The following GAPVD1 variants were observed in gnomAD, a reference collection of about 807,000 sequenced individuals.
GAPVD1 encodes the protein GTPase-activating protein and VPS9 domain-containing protein 1.
A neutral mutation model predicts 155.5 loss-of-function variants in GAPVD1; 35 were observed. That is an observed-to-expected ratio of 0.23 (90% confidence interval 0.17 to 0.30). The LOEUF (loss-of-function observed/expected upper bound fraction) is 0.30. Among genes scored for constraint, GAPVD1 ranks in the 10% least tolerant of loss-of-function variants. GAPVD1 has a pLI of 1.00. For missense variants in GAPVD1, 1,429 were observed against 1,775.7 expected (o/e 0.80, Z 3.51); for synonymous variants, 636 against 619.7 (o/e 1.03, Z -0.39).
Position 125,302,832 on chromosome 9 carries a change from C to T in GAPVD1, c.1029+6C>T, listed in dbSNP as rs370781614. 46 of 1,574,668 alleles carry T rather than the reference C, an allele frequency of 2.9e-5. No homozygotes were observed. The African/African-American group carries it at 6.3e-4, about 21-fold the overall frequency. ...CACGATTTAATCTGATGCAGGTATG[C>T]TTTTGCTATTATTATTAACGTGGCA... On this transcript the variant is annotated splice_donor_region_variant and intron_variant, in intron 5 of 27. Transcript: ENST00000297933.
intron 11 of GAPVD1, 27 bp from the exon 12 acceptor site, chr9:125,326,389 A>T: frequency 6.5e-7 from 1 of 1,532,166 alleles, no homozygotes; most frequent in Middle Eastern, 1.7e-4. Flanking sequence ...CTACTATTTT[A>T]AAAGTGCTTA....
chr9:125,360,583 G>T lies in GAPVD1; in HGVS notation c.4100G>T (p.Ser1367Ile). The change falls in exon 27 of 28, where the codon AGT (serine) becomes ATT (isoleucine). Residue 1367 changes from serine to isoleucine, a missense_variant. Ser to Ile is a moderately radical substitution (Grantham distance 142, BLOSUM62 -2). Transcript: ENST00000297933. ...PSAQSEIRTI[S>I]AYKTPRDKVQ... ...GCACAATCAGAAATCAGGACAATAAGTGCTTATAAAACCCCCCGGGACAAA... is the reference window on the plus strand; with the variant it reads ...GCACAATCAGAAATCAGGACAATAATTGCTTATAAAACCCCCCGGGACAAA... The T allele has an allele frequency of 6.2e-7, 1 of 1,614,064 alleles. No individual in the cohort carries two copies. The highest frequency in any genetic ancestry group is 8.5e-7 in the Non-Finnish European group (1 of 1,179,948).
At chr9:125,319,387 T>A (rs1042359036) in intron 9 of GAPVD1, among the ~76,000 whole-genome samples, 14 of 150,506 alleles carry the variant, frequency 9.3e-5, no homozygotes, top group Non-Finnish European at 1.5e-4. Context: ...AAATTTTTTT[T>A]AATAAAAATT....
At chr9:125,330,630 A>T (rs989229496) in intron 13 of GAPVD1, among the ~76,000 whole-genome samples, 3 of 152,208 alleles carry the variant, frequency 2.0e-5, no homozygotes, top group Non-Finnish European at 4.4e-5. Flanking sequence ...TATACATTTG[A>T]CAAAGATGAG....
chr9:125,273,001 G>A (rs1473598971), intron 2 of GAPVD1, among the ~76,000 whole-genome samples: 1 of 152,158 alleles, frequency 6.6e-6, no homozygotes, highest in African/African-American at 2.4e-5. Context: ...GGGAACCAAA[G>A]CTTCCTCAAA....
At position 125,355,699 on chromosome 9, in the gene GAPVD1, G is replaced by A; in HGVS notation, c.3813G>A (p.Leu1271=). 6.2e-7 allele frequency: 1 copy of A among 1,613,906 alleles called. No homozygotes were observed. Among genetic ancestry groups the A allele is most frequent in the Non-Finnish European group, 8.5e-7 (1 of 1,179,800 alleles). Residue 1271 remains leucine, a synonymous_variant, in exon 25 of 28, where the codon CTG becomes CTA. Coordinates refer to ENST00000297933, the MANE Select transcript of GAPVD1 (RefSeq NM_001282680.3). ...AAACTGCTCAGGTAGAAGATTTTCT[G>A]CAGTTTCTTTATGGTGCAATGGCCC... ...DDKTAQVEDF[L]QFLYGAMAQD... is the part of the protein sequence containing the mutation.
intron 15 of GAPVD1, among the ~76,000 whole-genome samples, chr9:125,333,552 A>C (rs2131861394): frequency 7.0e-6 from 1 of 143,376 alleles, no homozygotes; most frequent in Middle Eastern, 3.8e-3. Flanking sequence ...GCAATGGCGC[A>C]ATCTCGGCTC....
chr9:125,349,883 G>A (rs1308173997), intron 21 of GAPVD1, among the ~76,000 whole-genome samples: 2 of 152,014 alleles, frequency 1.3e-5, no homozygotes, highest in African/African-American at 4.8e-5. Context: ...TTTCTTGTCA[G>A]GTAGTGAGCT....
At chr9:125,319,835 T>C (rs2131461069) in intron 9 of GAPVD1, among the ~76,000 whole-genome samples, 1 of 152,180 alleles carries the variant, frequency 6.6e-6, no homozygotes, top group Admixed American at 6.5e-5. Flanking sequence ...CCTCAGGTGA[T>C]CCACCGGCCT....
chr9:125,355,137 A>C (rs1237553529), intron 24 of GAPVD1, among the ~76,000 whole-genome samples: 4 of 152,158 alleles, frequency 2.6e-5, no homozygotes, highest in Non-Finnish European at 4.4e-5. Flanking sequence ...GAAACTTTTG[A>C]GACGGAGTCT....
intron 10 of GAPVD1, among the ~76,000 whole-genome samples, chr9:125,322,106 C>T (rs1470549718): frequency 2.0e-5 from 3 of 152,030 alleles, no homozygotes; most frequent in Admixed American, 6.6e-5. Flanking sequence ...CGTTCGTTGC[C>T]CAGGCTGGAG....
At chr9:125,283,243 G>A (rs1209123478) in intron 2 of GAPVD1, among the ~76,000 whole-genome samples, 5 of 151,822 alleles carry the variant, frequency 3.3e-5, no homozygotes, top group African/African-American at 1.2e-4. Context: ...ATTTTTAGTC[G>A]AGACTGGGTT....
intron 4 of GAPVD1, among the ~76,000 whole-genome samples, chr9:125,300,531 A>T (rs1019484324): frequency 1.3e-5 from 2 of 152,090 alleles, no homozygotes; most frequent in Non-Finnish European, 2.9e-5. Context: ...TATAAGCCAG[A>T]TGCAAAAGAA....
In GAPVD1 at chr9:125,365,677, C is replaced by T. The variant is rs1184328135; in HGVS notation, c.*2931C>T. 6.6e-6 allele frequency: 1 copy of T among 152,186 alleles called. No homozygotes were observed. Among genetic ancestry groups the T allele is most frequent in the Non-Finnish European group, 1.5e-5 (1 of 68,042 alleles). The allele number at this position is 152,186 out of a possible 1,614,324, so 9.4% of individuals were successfully genotyped here. On this transcript the variant is annotated 3_prime_UTR_variant, in exon 28 of 28. Coordinates refer to ENST00000297933, the MANE Select transcript of GAPVD1 (RefSeq NM_001282680.3). ...TTTTTGAGACATAGTCTTGCTCTGT[C>T]ACCCAGTCTGGAGTGCAGTGCTGTG...
At chr9:125,359,975 CTGTT>C (rs975932026) in intron 26 of GAPVD1, 1 of 154,978 alleles carries the variant, frequency 6.5e-6, no homozygotes, top group African/African-American at 2.4e-5. Flanking sequence ...TTTGAGCTTT[CTGTT>C]TGTTTTTGTT....
At chr9:125,328,960 C>T (rs887165474) in intron 12 of GAPVD1, among the ~76,000 whole-genome samples, 9 of 152,330 alleles carry the variant, frequency 5.9e-5, no homozygotes, top group African/African-American at 9.6e-5. Flanking sequence ...AGTGAAACCC[C>T]GTCTCCACCA....
chr9:125,362,614 A>G lies in GAPVD1; in HGVS notation c.4251A>G (p.Pro1417=), dbSNP rs191298966. The change falls in exon 28 of 28, where the codon CCA becomes CCG. Residue 1417 remains proline, a synonymous_variant. Coordinates refer to ENST00000297933, the MANE Select transcript of GAPVD1 (RefSeq NM_001282680.3). ...ATTTTTCACTTCTCTAGGCAAATCC[A>G]CCCTGTTTGCTGTCTACTGTGCAGT... ...VLVFVLIKAN[P]PCLLSTVQYI... The G allele has an allele frequency of 2.6e-5, 42 of 1,601,408 alleles. No homozygotes were observed. In the East Asian group the frequency reaches 9.5e-4, roughly 36 times the overall value.
chr9:125,280,100 A>G (rs1307092914), intron 2 of GAPVD1, among the ~76,000 whole-genome samples: 2 of 151,170 alleles, frequency 1.3e-5, no homozygotes, highest in Non-Finnish European at 3.0e-5. Context: ...AATGTTATAT[A>G]GAATAAATGA....
chr9:125,340,114 G>T (rs1847634128), intron 17 of GAPVD1, among the ~76,000 whole-genome samples: 1 of 152,096 alleles, frequency 6.6e-6, no homozygotes, highest in Non-Finnish European at 1.5e-5. Context: ...TCCACCTCCC[G>T]GGTTCAAGTG....
Sources: gnomAD v4.1 joint callset for allele counts (sites outside exome capture counted in the v4.1 genomes callset) on GRCh38, gnomAD v4.1.1 for gene constraint, MANE v1.5 for transcripts, NCBI Gene and HGNC (gene_info 2026-07-23, HGNC 2026-07-21) for gene names.